Variants in CHN2 observed in about 807,000 individuals in gnomAD.
CHN2 encodes chimerin 2.
In CHN2, 35 loss-of-function variants were observed where a neutral mutation model predicts 56.3. The observed-to-expected ratio is 0.62, with a 90% confidence interval of 0.47 to 0.82. CHN2 has a LOEUF of 0.82. CHN2 is among the 40% of genes least tolerant of loss of function. CHN2 has a pLI of 0.00. For missense variants in CHN2, 491 were observed against 580.5 expected (o/e 0.85, Z 1.58); for synonymous variants, 210 against 212.8 (o/e 0.99, Z 0.12).
At chr7:29,209,577 A>G (rs1489228887) in intron 1 of CHN2, among the ~76,000 whole-genome samples, 3 of 152,214 alleles carry the variant, frequency 2.0e-5, no homozygotes, top group Admixed American at 6.5e-5. Context: ...TCTAATGAGA[A>G]GTAGGACAGT....
At chr7:29,251,026 C>G (rs1339636426) in intron 1 of CHN2, among the ~76,000 whole-genome samples, 1 of 152,166 alleles carries the variant, frequency 6.6e-6, no homozygotes, top group Non-Finnish European at 1.5e-5. Context: ...AACTTCTTTA[C>G]AATTTAGTAA....
chr7:29,356,087 T>G (rs71541505), intron 2 of CHN2, among the ~76,000 whole-genome samples: 40,720 of 151,828 alleles, frequency 0.27, 5,627 homozygotes, highest in Non-Finnish European at 0.3. Flanking sequence ...CAGGCCTATG[T>G]AGACTGTTAT....
intron 1 of CHN2, among the ~76,000 whole-genome samples, chr7:29,311,536 A>G (rs1794604064): frequency 6.6e-6 from 1 of 152,244 alleles, no homozygotes; most frequent in African/African-American, 2.4e-5. Flanking sequence ...AGGCTAAGCA[A>G]CTTGCAAAGA....
chr7:29,338,853 T>A (rs1303900282), intron 1 of CHN2, among the ~76,000 whole-genome samples: 4 of 152,194 alleles, frequency 2.6e-5, no homozygotes, highest in African/African-American at 9.6e-5. Context: ...GTGCTGAGAT[T>A]ACAGGCATGA....
upstream of CHN2, chr7:29,194,718 A>T: frequency 2.4e-6 from 1 of 419,980 alleles, no homozygotes; most frequent in Non-Finnish European, 4.1e-6. Flanking sequence ...AAGCGTGCAA[A>T]GGCGCGGAGC....
chr7:29,422,060 C>T (rs1273561001), intron 6 of CHN2, among the ~76,000 whole-genome samples: 1 of 151,902 alleles, frequency 6.6e-6, no homozygotes, highest in Non-Finnish European at 1.5e-5. Flanking sequence ...TAACATTCTC[C>T]TTTGAAATAT....
At chr7:29,159,028 C>G (rs767439473) in intron 2 of CHN2, among the ~76,000 whole-genome samples, 3 of 152,204 alleles carry the variant, frequency 2.0e-5, no homozygotes, top group Non-Finnish European at 4.4e-5. Context: ...AGGGAATCTG[C>G]TATCAGAGAA....
intron 7 of CHN2, among the ~76,000 whole-genome samples, chr7:29,486,128 A>G (rs1787960168): frequency 6.6e-6 from 1 of 152,000 alleles, no homozygotes; most frequent in Non-Finnish European, 1.5e-5. Context: ...TCCCCTTACC[A>G]GAGGGAAACT....
chr7:29,226,337 A>G (rs2128796644), intron 1 of CHN2, among the ~76,000 whole-genome samples: 1 of 152,380 alleles, frequency 6.6e-6, no homozygotes, highest in South Asian at 2.1e-4. Flanking sequence ...CCAAGCCCAC[A>G]GAGTACAGCA....
chr7:29,215,393 C>T (rs1046787438), intron 1 of CHN2, among the ~76,000 whole-genome samples: 4 of 152,120 alleles, frequency 2.6e-5, no homozygotes, highest in East Asian at 1.9e-4. Flanking sequence ...CTCATTCTTT[C>T]GACTTCTGTA....
chr7:29,277,272 A>G (rs1205842531), intron 1 of CHN2, among the ~76,000 whole-genome samples: 2 of 152,210 alleles, frequency 1.3e-5, no homozygotes, highest in African/African-American at 2.4e-5. Flanking sequence ...TCATTGGAGC[A>G]TCTCTAGGGG....
At chr7:29,345,085 T>C (rs1040910282) in intron 1 of CHN2, among the ~76,000 whole-genome samples, 5 of 152,140 alleles carry the variant, frequency 3.3e-5, no homozygotes, top group African/African-American at 1.2e-4. Flanking sequence ...CAGCCTGGGC[T>C]CCCCTCTCCA....
chr7:29,347,883 C>A (rs150389271), intron 1 of CHN2, among the ~76,000 whole-genome samples: 96 of 152,288 alleles, frequency 6.3e-4, no homozygotes, highest in African/African-American at 2.0e-3. Context: ...TCATGAAATT[C>A]AAACAGCAAA....
chr7:29,482,176 G>C (rs1787323032), intron 7 of CHN2, among the ~76,000 whole-genome samples: 1 of 152,170 alleles, frequency 6.6e-6, no homozygotes, highest in African/African-American at 2.4e-5. Flanking sequence ...AACAGCTCTT[G>C]AAAGAAGAAA....
At chr7:29,365,860 G>T (rs1402192185) in intron 2 of CHN2, among the ~76,000 whole-genome samples, 1 of 152,136 alleles carries the variant, frequency 6.6e-6, no homozygotes, top group East Asian at 1.9e-4. Context: ...AGCCACCAGG[G>T]AAAAAACAGG....
chr7:29,164,794 A>G (rs994854072), intron 2 of CHN2, among the ~76,000 whole-genome samples: 1 of 151,640 alleles, frequency 6.6e-6, no homozygotes, highest in African/African-American at 2.4e-5. Flanking sequence ...AAAAAAAAAA[A>G]AAAAAAACAA....
intron 3 of CHN2, among the ~76,000 whole-genome samples, chr7:29,383,367 G>A (rs529327914): frequency 2.0e-5 from 3 of 152,218 alleles, no homozygotes; most frequent in Middle Eastern, 3.4e-3. Context: ...GGAGAAGATC[G>A]GTGTTCCTGC....
At chr7:29,473,890 A>G (rs968122965) in intron 6 of CHN2, among the ~76,000 whole-genome samples, 5 of 152,216 alleles carry the variant, frequency 3.3e-5, no homozygotes, top group African/African-American at 1.2e-4. Flanking sequence ...CATGCACACT[A>G]AATCTAATAA....
At chr7:29,202,901 C>T (rs941484708) in intron 1 of CHN2, among the ~76,000 whole-genome samples, 2 of 152,154 alleles carry the variant, frequency 1.3e-5, no homozygotes, top group Non-Finnish European at 2.9e-5. Context: ...AAGCAGGGAG[C>T]GTGGCTGTTG....
Sources: allele counts gnomAD v4.1 joint callset (sites outside exome capture counted in the v4.1 genomes callset), GRCh38; gene constraint gnomAD v4.1.1; transcripts MANE v1.5; gene names NCBI Gene and HGNC (gene_info 2026-07-23, HGNC 2026-07-21).